Variants in RIMS1 observed in about 807,000 individuals in gnomAD.
RIMS1 encodes regulating synaptic membrane exocytosis 1, also known as regulating synaptic membrane exocytosis protein 1.
A neutral mutation model predicts 214.1 loss-of-function variants in RIMS1; 83 were observed. The ratio of observed to expected loss-of-function variants is 0.39; its 90% CI spans 0.32 to 0.47. RIMS1 has a LOEUF of 0.47. RIMS1 is among the 20% of genes least tolerant of loss of function. The pLI is 0.99. For missense variants in RIMS1, 2,050 were observed against 2,161.8 expected, an observed-to-expected ratio of 0.95 and a Z score of 1.03; for synonymous variants, 793 against 786.8, an observed-to-expected ratio of 1.01 and a Z score of -0.13.
At chr6:72,350,873 G>A (rs1222974453) in intron 29 of RIMS1, among the ~76,000 whole-genome samples, 1 of 152,086 alleles carries the variant, frequency 6.6e-6, no homozygotes, top group East Asian at 1.9e-4. Context: ...AAAATAAAAG[G>A]CTGATCAGAT....
intron 5 of RIMS1, among the ~76,000 whole-genome samples, 177 bp downstream of exon 5, chr6:72,180,092 G>C (rs753779264): frequency 6.6e-6 from 1 of 152,228 alleles, no homozygotes; most frequent in Non-Finnish European, 1.5e-5. Flanking sequence ...TTCCTTAGGA[G>C]ACCTTTGTTG....
At chr6:72,172,165 A>G (rs559527994) in intron 4 of RIMS1, among the ~76,000 whole-genome samples, 1 of 152,290 alleles carries the variant, frequency 6.6e-6, no homozygotes, top group East Asian at 1.9e-4. Context: ...CAAACACGGA[A>G]AACATTCGAA....
chr6:72,058,696 C>G (rs1827029627), intron 2 of RIMS1, among the ~76,000 whole-genome samples: 1 of 152,204 alleles, frequency 6.6e-6, no homozygotes, highest in South Asian at 2.1e-4. Context: ...TCTGTGGACC[C>G]ATTCAGAGGA....
intron 29 of RIMS1, among the ~76,000 whole-genome samples, chr6:72,358,252 A>T (rs1009862157): frequency 3.3e-5 from 5 of 152,184 alleles, no homozygotes; most frequent in South Asian, 2.1e-4. Flanking sequence ...TATGGCCAGG[A>T]GTCAAGGTAG....
chr6:72,048,006 G>A (rs1823547333), intron 2 of RIMS1, among the ~76,000 whole-genome samples: 1 of 152,158 alleles, frequency 6.6e-6, no homozygotes, highest in African/African-American at 2.4e-5. Context: ...TATTTGCGGA[G>A]TGCTTGGCAC....
chr6:72,383,546 G>T (rs553235490), intron 29 of RIMS1, among the ~76,000 whole-genome samples: 11 of 150,940 alleles, frequency 7.3e-5, no homozygotes, highest in Non-Finnish European at 8.8e-5. Flanking sequence ...AGCTGAGATG[G>T]GAGGATCACT....
chr6:72,038,587 A>T (rs1041175598), intron 2 of RIMS1, among the ~76,000 whole-genome samples: 1 of 152,122 alleles, frequency 6.6e-6, no homozygotes, highest in African/African-American at 2.4e-5. Flanking sequence ...TTTAAAACAA[A>T]TGTTTACTTA....
intron 2 of RIMS1, among the ~76,000 whole-genome samples, chr6:72,005,678 T>C (rs1807239273): frequency 6.6e-6 from 1 of 152,178 alleles, no homozygotes; most frequent in South Asian, 2.1e-4. Flanking sequence ...GTTGTGCTGG[T>C]AAAGAAGGCT....
At chr6:71,919,266 G>T (rs927649690) in intron 1 of RIMS1, among the ~76,000 whole-genome samples, 2 of 152,058 alleles carry the variant, frequency 1.3e-5, no homozygotes, top group Non-Finnish European at 2.9e-5. Context: ...AACTAATAGA[G>T]ATTCAGTCAA....
At chr6:71,975,078 A>C (rs911411046) in intron 2 of RIMS1, among the ~76,000 whole-genome samples, 1 of 152,180 alleles carries the variant, frequency 6.6e-6, no homozygotes, top group Non-Finnish European at 1.5e-5. Context: ...GCCAGACACC[A>C]GTGATATCGA....
At chr6:72,270,798 T>G (rs1283896332) in intron 22 of RIMS1, among the ~76,000 whole-genome samples, 1 of 152,146 alleles carries the variant, frequency 6.6e-6, no homozygotes, top group African/African-American at 2.4e-5. Context: ...TGTGCCCAAT[T>G]CTTTACCATG....
chr6:72,375,072 TC>T (rs979827720), intron 29 of RIMS1, among the ~76,000 whole-genome samples: 1 of 152,176 alleles, frequency 6.6e-6, no homozygotes, highest in African/African-American at 2.4e-5. Flanking sequence ...AGATGAAGCT[TC>T]GCCCACTACT....
chr6:72,039,597 C>G (rs1820857120), intron 2 of RIMS1, among the ~76,000 whole-genome samples: 1 of 152,022 alleles, frequency 6.6e-6, no homozygotes. Flanking sequence ...TCCAAAGTAC[C>G]TCTGCCTCCC....
chr6:72,167,833 G>C (rs1423918818), intron 4 of RIMS1, among the ~76,000 whole-genome samples: 1 of 151,412 alleles, frequency 6.6e-6, no homozygotes, highest in Non-Finnish European at 1.5e-5. Context: ...CAGTGCTGTG[G>C]GATTTTATCA....
intron 1 of RIMS1, among the ~76,000 whole-genome samples, chr6:71,914,041 A>G (rs1777654450): frequency 6.6e-6 from 1 of 152,158 alleles, no homozygotes; most frequent in Non-Finnish European, 1.5e-5. Context: ...CCATTTTAGG[A>G]AAGGCAGAGT....
rs1313128529 is a variant in RIMS1 at position 71,915,143 on chromosome 6, T to C, written c.164+27956T>C. ...ATTCTTATTTGTGGGTATTATTCAA[T>C]GTTTTCCTATCTGTCTAAATCCTGT... On this transcript the variant is annotated intron_variant, in intron 1 of 33. Coordinates refer to ENST00000521978, the MANE Select transcript of RIMS1 (RefSeq NM_014989.7). Among the ~76,000 whole-genome samples, 14 of 152,254 alleles carry C rather than the reference T, an allele frequency of 9.2e-5. No individual in the cohort carries two copies. In the South Asian group the frequency reaches 1.9e-3, roughly 20 times the overall value.
intron 29 of RIMS1, among the ~76,000 whole-genome samples, chr6:72,360,459 T>TA (rs1278514678): frequency 6.6e-6 from 1 of 152,186 alleles, no homozygotes; most frequent in Non-Finnish European, 1.5e-5. Context: ...CCAAAGGGTC[T>TA]ACAGTACACT....
chr6:71,964,880 G>A (rs775055056), intron 1 of RIMS1, among the ~76,000 whole-genome samples: 3 of 152,158 alleles, frequency 2.0e-5, no homozygotes, highest in Non-Finnish European at 4.4e-5. Flanking sequence ...AGCACTGAAT[G>A]GGGGGTGTAG....
At chr6:72,257,347 C>T (rs527583918) in intron 16 of RIMS1, among the ~76,000 whole-genome samples, 2 of 151,880 alleles carry the variant, frequency 1.3e-5, no homozygotes, top group African/African-American at 4.8e-5. Flanking sequence ...CAATATAAAC[C>T]TTTTTACTTC....
Sources: gnomAD v4.1 joint callset for allele counts (sites outside exome capture counted in the v4.1 genomes callset) on GRCh38, gnomAD v4.1.1 for gene constraint, MANE v1.5 for transcripts, NCBI Gene and HGNC (gene_info 2026-07-23, HGNC 2026-07-21) for gene names.